The following CHST15 variants were observed in gnomAD, a reference collection of about 807,000 sequenced individuals.
The protein encoded by CHST15 is B cell RAG associated protein (GALNAC4S-6ST).
CHST15 carries 30 observed loss-of-function variants against 53.6 expected under a neutral mutation model. The ratio of observed to expected loss-of-function variants is 0.56; its 90% CI spans 0.42 to 0.76. The LOEUF is 0.76. Among genes scored for constraint, CHST15 ranks in the 30% least tolerant of loss-of-function variants. The probability of loss-of-function intolerance (pLI) is 0.00; values close to 1 mark genes in which losing one functional copy is unlikely to be tolerated. For synonymous variants in CHST15, 296 were observed against 289.8 expected, an observed-to-expected ratio of 1.02 and a Z score of -0.22; for missense variants, 627 against 740.5, an observed-to-expected ratio of 0.85 and a Z score of 1.78.
intron 1 of CHST15, among the ~76,000 whole-genome samples, chr10:124,065,293 G>A (rs1482566788): frequency 6.6e-6 from 1 of 152,120 alleles, no homozygotes; most frequent in Admixed American, 6.5e-5. Flanking sequence ...TGAGGTCGGG[G>A]GATCTCTTGA....
chr10:124,085,807 G>T (rs1949403618), intron 1 of CHST15, among the ~76,000 whole-genome samples: 1 of 152,206 alleles, frequency 6.6e-6, no homozygotes. Context: ...GGTACGGGGA[G>T]CAGATAGCAA....
chr10:124,009,917 G>A lies in CHST15; in HGVS notation c.*232C>T. On this transcript the variant is annotated 3_prime_UTR_variant, in exon 8 of 8. Coordinates refer to ENST00000435907, the MANE Select transcript of CHST15 (RefSeq NM_001270764.2). ...GCTCAGAGCAGAGCTGAATTCTTGA[G>A]AAACTGGGGTCTCCAATGGCCTCGG... 1 of 1,359,674 alleles carries A rather than the reference G, an allele frequency of 7.4e-7. No individual in the cohort carries two copies. The highest frequency in any genetic ancestry group is 3.2e-5 in the Admixed American group (1 of 31,454). 84.2% of individuals were successfully genotyped at this position (1,359,674 alleles called of 1,614,324 possible).
Position 124,009,164 on chromosome 10 carries a change from C to T in CHST15, c.*985G>A, listed in dbSNP as rs1365218338. On this transcript the variant is annotated 3_prime_UTR_variant, in exon 8 of 8. Transcript: ENST00000435907. ...CCGGCCAGAACTAAAAATTAAAATC[C>T]TCTGTTTCTCTGATGATCTTGTAAA... 12 of 1,192,148 alleles carry T rather than the reference C, an allele frequency of 1.0e-5. No homozygotes were observed. Among genetic ancestry groups the T allele is most frequent in the African/African-American group, 4.8e-5 (3 of 63,022 alleles). 73.8% of individuals were successfully genotyped at this position (1,192,148 alleles called of 1,614,324 possible).
chr10:124,044,520 G>A lies in CHST15; in HGVS notation c.886+60C>T, dbSNP rs757236312. 533 of 1,353,142 alleles carry A rather than the reference G, an allele frequency of 3.9e-4. 5 individuals are homozygous for A. Among genetic ancestry groups the A allele is most frequent in the Non-Finnish European group, 3.9e-5 (40 of 1,024,758 alleles). The allele number at this position is 1,353,142 out of a possible 1,614,324, so 83.8% of individuals were successfully genotyped here. ...CCCCCAACCCCAGCGCTAACGTTGC[G>A]GGAGGAATGAACGAATGAAGGAACG... On this transcript the variant is annotated intron_variant, in intron 3 of 7. Coordinates refer to ENST00000435907, the MANE Select transcript of CHST15 (RefSeq NM_001270764.2).
In CHST15 at chr10:124,038,609, T is replaced by C; in HGVS notation, c.1096A>G (p.Thr366Ala). The change falls in exon 5 of 8, where the codon ACG becomes GCG. Residue 366 changes from threonine (T) to alanine (A), a missense_variant. By Grantham distance (58) the Thr-to-Ala change is moderately conservative (BLOSUM62 0). This residue lies in a region of CHST15 where 279 missense variants were observed against 371.6 expected (regional missense o/e 0.75). Coordinates refer to ENST00000435907, the MANE Select transcript of CHST15 (RefSeq NM_001270764.2). ...GTCAGAAACGGTGGCTCGCCATCCG[T>C]GCTGTTGTCGTAGAAGAACGTCCAG... ...NAWTFFYDNS[T>A]DGEPPFLTQD... is the part of the protein sequence containing the mutation. 1.9e-6 allele frequency: 3 copies of C among 1,614,160 alleles called. No individual in the cohort carries two copies. In the East Asian group the frequency reaches 6.7e-5, roughly 36 times the overall value.
intron 5 of CHST15, among the ~76,000 whole-genome samples, chr10:124,028,002 T>C: frequency 6.6e-6 from 1 of 152,206 alleles, no homozygotes; most frequent in East Asian, 1.9e-4. Flanking sequence ...TGCACGGTGA[T>C]TTGGAAGAGA....
chr10:124,035,264 C>CA (rs1554906992), intron 5 of CHST15, among the ~76,000 whole-genome samples: 5 of 126,548 alleles, frequency 4.0e-5, no homozygotes, highest in African/African-American at 9.0e-5. Context: ...ACCCTGGCTC[C>CA]ACCCCTAACA....
At chr10:124,022,077 T>C (rs1303908342) in intron 5 of CHST15, among the ~76,000 whole-genome samples, 5 of 152,250 alleles carry the variant, frequency 3.3e-5, no homozygotes, top group Non-Finnish European at 4.4e-5. Flanking sequence ...GCACGGGAAC[T>C]GATCGTCTTC....
rs550213961 is a variant in CHST15, at chr10:124,092,067, CACGGCTCTTCATTCATTTTCCCAA to C, written c.-513+1378_-513+1401del. Among the ~76,000 whole-genome samples the C allele has an allele frequency of 2.3e-3, 347 of 152,320 alleles. 8 individuals are homozygous for C. In the East Asian group the frequency reaches 0.039, roughly 17 times the overall value. ...CCTGGAGGAGTCGGGAAGGTGCTTC[CACGGCTCTTCATTCATTTTCCCAA>C]AGGCAAGGTTCCCTTCGCCCCGGCG... On this transcript the variant is annotated intron_variant, in intron 1 of 7. Transcript: ENST00000435907.
chr10:124,044,601 A>G lies in CHST15; in HGVS notation c.865T>C (p.Trp289Arg), dbSNP rs1947885994. 1.3e-6 allele frequency: 2 copies of G among 1,557,656 alleles called. No homozygotes were observed. Among genetic ancestry groups the G allele is most frequent in the Non-Finnish European group, 1.7e-6 (2 of 1,149,906 alleles). ...VKFSAIKEPHWWTRKRFGIVR... is the reference protein window; with the variant it reads ...VKFSAIKEPHRWTRKRFGIVR... ...TCACCAAAGCGCTTCCGGGTCCACCAGTGTGGCTCCTTGATGGCGGAGAAC... is the reference window on the plus strand; with the variant it reads ...TCACCAAAGCGCTTCCGGGTCCACCGGTGTGGCTCCTTGATGGCGGAGAAC... The change falls in exon 3 of 8, where the codon TGG becomes CGG. Residue 289 changes from tryptophan (W) to arginine (R), a missense_variant. Physicochemically the swap from Trp to Arg is moderately radical, Grantham distance 101 (BLOSUM62 -3). Transcript: ENST00000435907.
intron 1 of CHST15, among the ~76,000 whole-genome samples, chr10:124,060,886 G>A (rs1022408712): frequency 6.6e-6 from 1 of 152,186 alleles, no homozygotes; most frequent in African/African-American, 2.4e-5. Context: ...AGTACGAAGA[G>A]GAAAGTTTGA....
At chr10:124,080,140 G>A (rs150495690) in intron 1 of CHST15, among the ~76,000 whole-genome samples, 382 of 152,324 alleles carry the variant, frequency 2.5e-3, no homozygotes, top group African/African-American at 8.9e-3. Context: ...CATCGGACAG[G>A]TGTTCTTCAC....
intron 5 of CHST15, among the ~76,000 whole-genome samples, chr10:124,030,914 C>T (rs911537461): frequency 6.6e-6 from 1 of 152,260 alleles, no homozygotes; most frequent in African/African-American, 2.4e-5. Context: ...GGGCGGGCAT[C>T]CTGCTCCCTC....
intron 5 of CHST15, among the ~76,000 whole-genome samples, chr10:124,034,218 G>C (rs1947333811): frequency 6.6e-6 from 1 of 152,206 alleles, no homozygotes; most frequent in Non-Finnish European, 1.5e-5. Context: ...CTGTTAGGCT[G>C]AGGACCAGGG....
At chr10:124,013,306 C>A in intron 6 of CHST15, among the ~76,000 whole-genome samples, 1 of 152,184 alleles carries the variant, frequency 6.6e-6, no homozygotes, top group African/African-American at 2.4e-5. Flanking sequence ...GACTAAAGGT[C>A]AGCCACAGCA....
intron 1 of CHST15, among the ~76,000 whole-genome samples, chr10:124,071,524 CAGGTG>C (rs1948911120): frequency 6.6e-6 from 1 of 152,330 alleles, no homozygotes; most frequent in Admixed American, 6.5e-5. Context: ...TTAAATGTTC[CAGGTG>C]AGGTTAATTT....
At chr10:124,042,168 G>A (rs935849634) in intron 4 of CHST15, 133 bp downstream of exon 4, 36 of 782,428 alleles carry the variant, frequency 4.6e-5, no homozygotes, top group African/African-American at 3.3e-4. Context: ...AGGTGGAGAA[G>A]TGGAGGCTCA....
chr10:124,059,689 A>G (rs1439748147), intron 1 of CHST15, among the ~76,000 whole-genome samples: 3 of 152,148 alleles, frequency 2.0e-5, no homozygotes, highest in Non-Finnish European at 2.9e-5. Context: ...TGCACGATGC[A>G]CCCTAGAATG....
intron 5 of CHST15, among the ~76,000 whole-genome samples, chr10:124,025,624 T>C (rs1946971713): frequency 6.6e-6 from 1 of 152,204 alleles, no homozygotes; most frequent in East Asian, 1.9e-4. Flanking sequence ...AAGAATTATG[T>C]CCAAGTCTGA....
Sources: gnomAD v4.1 joint callset for allele counts (sites outside exome capture counted in the v4.1 genomes callset) on GRCh38, gnomAD v4.1.1 for gene constraint, gnomAD v4.1.1 regional missense constraint, MANE v1.5 for transcripts, NCBI Gene and HGNC (gene_info 2026-07-23, HGNC 2026-07-21) for gene names.